Variants in MCF2 observed in about 807,000 individuals in gnomAD.
MCF2 encodes the protein proto-oncogene DBL.
In MCF2, 44 loss-of-function variants were observed where a neutral mutation model predicts 82.5. The observed-to-expected ratio is 0.53, with a 90% confidence interval of 0.42 to 0.69. The LOEUF is 0.69. MCF2 is among the 30% of genes least tolerant of loss of function. MCF2 has a pLI of 0.00. For synonymous variants in MCF2, 217 were observed against 224.9 expected (o/e 0.96, Z 0.32); for missense variants, 623 against 663.1 (o/e 0.94, Z 0.66).
exon 12 of MCF2, chrX:139,607,731 A>G: frequency 8.3e-7 from 1 of 1,205,739 alleles, no homozygotes. Flanking sequence ...TCCAAACTGG[A>G]GGATGGACCA....
intron 1 of MCF2, among the ~76,000 whole-genome samples, chrX:139,678,883 C>A (rs774264289): frequency 2.0e-4 from 23 of 112,458 alleles, no homozygotes; most frequent in Non-Finnish European, 3.6e-4. Flanking sequence ...TTGGATTTTG[C>A]TCTTATCACA....
chrX:139,645,705 A>G, upstream of MCF2: 1 of 689,458 alleles, frequency 1.5e-6, no homozygotes, highest in South Asian at 2.6e-5. Context: ...AATAATGCAA[A>G]TTTGTTATAT....
At chrX:139,650,083 G>A (rs1052716445) in intron 2 of MCF2, among the ~76,000 whole-genome samples, 4 of 111,465 alleles carry the variant, frequency 3.6e-5, no homozygotes, top group African/African-American at 9.8e-5. Flanking sequence ...GGCTGGGTGC[G>A]ACGGCTCATG....
chrX:139,617,570 T>C (rs1932012088), exon 8 of MCF2: 1 of 1,203,266 alleles, frequency 8.3e-7, no homozygotes, highest in Non-Finnish European at 1.1e-6. Flanking sequence ...GTTTTGCTTT[T>C]ATCTCATTAA....
At chrX:139,671,600 G>A (rs1291652441) in intron 1 of MCF2, among the ~76,000 whole-genome samples, 1 of 111,281 alleles carries the variant, frequency 9.0e-6, no homozygotes, top group Non-Finnish European at 1.9e-5. Flanking sequence ...TTTTTGTCAG[G>A]TTTGTCAAAG....
intron 24 of MCF2, among the ~76,000 whole-genome samples, chrX:139,584,128 C>CATTTTTTTTTTTTTTTTTTTT (rs1184841644): frequency 1.4e-5 from 1 of 72,643 alleles, no homozygotes; most frequent in African/African-American, 5.7e-5. Flanking sequence ...TGCCATTATC[C>CATTTTTTTTTTTTTTTTTTTT]TTTTTTTTTT....
chrX:139,654,123 T>C (rs1460569315), intron 1 of MCF2, among the ~76,000 whole-genome samples: 1 of 111,992 alleles, frequency 8.9e-6, no homozygotes, highest in Non-Finnish European at 1.9e-5. Flanking sequence ...AAATATCTCT[T>C]CAATATATTG....
At chrX:139,678,170 A>T (rs765163490) in intron 1 of MCF2, among the ~76,000 whole-genome samples, 59 of 111,983 alleles carry the variant, frequency 5.3e-4, no homozygotes, top group African/African-American at 1.8e-3. Flanking sequence ...CTCAAAAAAA[A>T]ATCTTTTTTA....
intron 4 of MCF2, among the ~76,000 whole-genome samples, chrX:139,627,193 C>T (rs1027174022): frequency 2.7e-5 from 3 of 111,779 alleles, no homozygotes; most frequent in Non-Finnish European, 5.6e-5. Context: ...CAGGCTCCCG[C>T]GTAGCAGGGA....
chrX:139,631,311 T>TTC lies in MCF2; in HGVS notation c.288+83_288+84insGA, dbSNP rs397689061. The TTC allele has an allele frequency of 5.4e-6, 3 of 558,397 alleles. No individual in the cohort carries two copies. In the African/African-American group the frequency reaches 7.1e-5, roughly 13 times the overall value. The allele number at this position is 558,397 out of a possible 1,213,427, so 46.0% of individuals were successfully genotyped here. On this transcript the variant is annotated intron_variant, in intron 3 of 24. Coordinates refer to ENST00000370576, the Ensembl canonical transcript of MCF2. ...TTTGTTTTGTTTTGTTTTGTTTTTTTCAAATAGGAAAGAATTCTAGAACTA... is the reference window on the plus strand; with the variant it reads ...TTTGTTTTGTTTTGTTTTGTTTTTTTTCCAAATAGGAAAGAATTCTAGAACTA...
intron 6 of MCF2, 73 bp from the exon 10 acceptor site, chrX:139,619,779 C>T: frequency 1.2e-6 from 1 of 805,761 alleles, no homozygotes; most frequent in Non-Finnish European, 1.7e-6. Flanking sequence ...ATACAAAATG[C>T]TTTTAAACAA....
intron 6 of MCF2, among the ~76,000 whole-genome samples, chrX:139,622,213 T>C (rs934790274): frequency 9.0e-6 from 1 of 111,629 alleles, no homozygotes; most frequent in African/African-American, 3.3e-5. Context: ...TGGCGATCAT[T>C]AAAAAGTCAG....
At chrX:139,694,833 T>A (rs1935349125) in intron 1 of MCF2, among the ~76,000 whole-genome samples, 1 of 110,038 alleles carries the variant, frequency 9.1e-6, no homozygotes, top group Non-Finnish European at 1.9e-5. Context: ...ATTTTATGGA[T>A]TTTTTATCCA....
chrX:139,583,855 TTGGGAAC>T lies in MCF2; in HGVS notation c.2745+1204_2745+1210del, dbSNP rs780517469. Among the ~76,000 whole-genome samples, 413 of 111,898 alleles carry T rather than the reference TTGGGAAC, an allele frequency of 3.7e-3. 1 individual carries two copies. The highest frequency in any genetic ancestry group is 0.012 in the African/African-American group (382 of 30,857). ...GTAAAGGCTTCTTTCATTAAAAAGTTTGGGAACTGCAGGTATAGACAATTAACTCTGG... is the reference window on the plus strand; with the variant it reads ...GTAAAGGCTTCTTTCATTAAAAAGTTTGCAGGTATAGACAATTAACTCTGG... On this transcript the variant is annotated intron_variant, in intron 24 of 24. Transcript: ENST00000370576.
rs137999105 is a variant in MCF2, at chrX:139,601,840, T to C, written c.1836+566A>G. Among the ~76,000 whole-genome samples, 1,002 of 111,019 alleles carry C rather than the reference T, an allele frequency of 9.0e-3. 10 individuals carry two copies. The highest frequency in any genetic ancestry group is 0.031 in the African/African-American group (934 of 30,595). On this transcript the variant is annotated intron_variant, in intron 16 of 24. Coordinates refer to ENST00000370576, the Ensembl canonical transcript of MCF2. ...GAAAATAGAATGTGTTTAAATGTAA[T>C]AAGAAGAGATTTTTGTAACTCCCAC...
chrX:139,645,857 C>A (rs1347343306), upstream of MCF2, among the ~76,000 whole-genome samples: 2 of 111,536 alleles, frequency 1.8e-5, no homozygotes, highest in Non-Finnish European at 3.8e-5. Context: ...TTTAAAATTT[C>A]TTTTGCAGCA....
rs756193495 is a variant in MCF2, at chrX:139,593,471, G to C, written c.2277+3078C>G. Among the ~76,000 whole-genome samples, 5 of 110,895 alleles carry C rather than the reference G, an allele frequency of 4.5e-5. No individual in the cohort carries two copies. The South Asian group carries it at 1.9e-3, about 43-fold the overall frequency. On this transcript the variant is annotated intron_variant, in intron 19 of 24. Transcript: ENST00000370576. ...CTACCAGAGGTACAAGGAGGAACTG[G>C]TACCATTCCTTCTGAAACTATTCCA...
chrX:139,588,521 G>T, intron 20 of MCF2, 83 bp from the exon 25 acceptor site: 1 of 583,381 alleles, frequency 1.7e-6, no homozygotes, highest in Non-Finnish European at 2.8e-6. Context: ...AAATGTAATT[G>T]TGTACATAAA....
chrX:139,664,316 A>AAAAC (rs1934445764), intron 1 of MCF2, among the ~76,000 whole-genome samples: 1 of 106,051 alleles, frequency 9.4e-6, no homozygotes, highest in African/African-American at 4.0e-5. Context: ...TTTAAAACAA[A>AAAAC]AAACAAAAAA....
Sources: gnomAD v4.1 joint callset for allele counts (sites outside exome capture counted in the v4.1 genomes callset) on GRCh38, gnomAD v4.1.1 for gene constraint, MANE v1.5 for transcripts, NCBI Gene and HGNC (gene_info 2026-07-23, HGNC 2026-07-21) for gene names.